COX5B: variants seen among roughly 807,000 people sequenced by gnomAD.
The protein encoded by COX5B is cytochrome c oxidase subunit 5B.
In COX5B, 8 loss-of-function variants were observed where a neutral mutation model predicts 16.2. The observed-to-expected ratio is 0.49, with a 90% CI of 0.29 to 0.89. COX5B has a LOEUF of 0.89. Among genes scored for constraint, COX5B ranks in the 40% least tolerant of loss-of-function variants. The pLI is 0.08. For missense variants in COX5B, 161 were observed against 168.7 expected, an observed-to-expected ratio of 0.95 and a Z score of 0.25; for synonymous variants, 65 against 67.6, an observed-to-expected ratio of 0.96 and a Z score of 0.19.
In COX5B at chr2:97,646,079, C is replaced by T. The variant is rs774612216; in HGVS notation, c.-8C>T. 1.4e-5 allele frequency: 21 copies of T among 1,551,568 alleles called. No homozygotes were observed. The highest frequency in any genetic ancestry group is 5.9e-5 in the Admixed American group (3 of 51,232). ...TTCCCGGAAGTTTTGCTGCTAGTCG[C>T]GGACGCAATGGCTTCAAGGTTACTT... On this transcript the variant is annotated 5_prime_UTR_variant, in exon 1 of 4. Transcript: ENST00000258424.
chr2:97,647,940 T>A (rs1674686254), intron 3 of COX5B, 56 bp from the exon 4 acceptor site: 1 of 1,472,306 alleles, frequency 6.8e-7, no homozygotes, highest in Admixed American at 1.8e-5. Context: ...GAAATTCATG[T>A]TGAAAGTCTC....
chr2:97,647,407 C>T lies in COX5B; in HGVS notation c.241C>T (p.Pro81Ser). Residue 81 changes from proline to serine, a missense_variant, in exon 3 of 4, where the codon CCC (proline) becomes TCC (serine). Coordinates refer to ENST00000258424, the MANE Select transcript of COX5B (RefSeq NM_001862.3). Reference sequence around the variant, plus strand: ...CACCAGGGAAGACCCTAATTTAGTCCCCTCCATCTCCAACAAGAGAATAGT... The same window carrying T: ...CACCAGGGAAGACCCTAATTTAGTCTCCTCCATCTCCAACAAGAGAATAGT... ...SGTREDPNLV[P>S]SISNKRIVGC... is the part of the protein sequence containing the mutation. The T allele has an allele frequency of 1.2e-6, 2 of 1,614,074 alleles. No homozygotes were observed. Among genetic ancestry groups the T allele is most frequent in the South Asian group, 1.1e-5 (1 of 91,076 alleles).
At position 97,647,451 on chromosome 2, in the gene COX5B, C is replaced by CCGAA. The variant is rs1211456725; in HGVS notation, c.277+9_277+10insGAAC. The stretch of plus-strand genomic sequence containing the variant: ...GAATAGTAGGCTGCATCTGTAAGTA[C>CCGAA]CTCACCTCTATTTTTTATCCACTTG... On this transcript the variant is annotated intron_variant, in intron 3 of 3. Coordinates refer to ENST00000258424, the MANE Select transcript of COX5B (RefSeq NM_001862.3). 1 of 1,601,504 alleles carries CCGAA rather than the reference C, an allele frequency of 6.2e-7. No individual in the cohort carries two copies. Among genetic ancestry groups the CCGAA allele is most frequent in the Middle Eastern group, 1.7e-4 (1 of 6,030 alleles).
chr2:97,648,042 C>A lies in COX5B; in HGVS notation c.324C>A (p.Gly108=). The change falls in exon 4 of 4, where the codon GGC becomes GGA. Residue 108 remains glycine, a synonymous_variant. Coordinates refer to ENST00000258424, the MANE Select transcript of COX5B (RefSeq NM_001862.3). ...TCGTCTGGTTTTGGCTGCACAAAGG[C>A]GAGGCCCAGCGATGCCCCCGCTGTG... ...TSVVWFWLHK[G]EAQRCPRCGA... is the part of the protein sequence containing the mutation. The A allele has an allele frequency of 6.2e-7, 1 of 1,613,614 alleles. No homozygotes were observed. Among genetic ancestry groups the A allele is most frequent in the Non-Finnish European group, 8.5e-7 (1 of 1,179,820 alleles).
chr2:97,646,959 A>G lies in COX5B; in HGVS notation c.104-108A>G, dbSNP rs139240376. ...GCCTTTAGGAGCTTGTGAGCCCGCTAAAACTTATACAGAAGTTTCGGGGCA... is the reference window on the plus strand; with the variant it reads ...GCCTTTAGGAGCTTGTGAGCCCGCTGAAACTTATACAGAAGTTTCGGGGCA... On this transcript the variant is annotated intron_variant, in intron 1 of 3. Coordinates refer to ENST00000258424, the MANE Select transcript of COX5B (RefSeq NM_001862.3). The G allele has an allele frequency of 4.5e-3, 5,153 of 1,146,338 alleles. 40 individuals carry two copies. Among genetic ancestry groups the G allele is most frequent in the Middle Eastern group, 0.023 (104 of 4,608 alleles). 71.0% of individuals were successfully genotyped at this position (1,146,338 alleles called of 1,614,324 possible). A position where few individuals can be genotyped will look rare whatever the true frequency, so the allele number is the denominator to read the frequency against.
chr2:97,646,128 G>T lies in COX5B; in HGVS notation c.42G>T (p.Ala14=). Residue 14 remains alanine (A), a synonymous_variant, in exon 1 of 4, where the codon GCG becomes GCT. Coordinates refer to ENST00000258424, the MANE Select transcript of COX5B (RefSeq NM_001862.3). ...RLLRGAGTLA[A]QALRARGPSG... ...TTCGCGGAGCTGGAACGCTGGCCGC[G>T]CAGGCCCTGAGGGCTCGCGGCCCCA... 1.3e-6 allele frequency: 2 copies of T among 1,557,848 alleles called. No individual in the cohort carries two copies. The highest frequency in any genetic ancestry group is 2.4e-5 in the South Asian group (2 of 84,522).
In COX5B at chr2:97,647,218, G is replaced by T; in HGVS notation, c.177+78G>T. On this transcript the variant is annotated intron_variant, in intron 2 of 3. Coordinates refer to ENST00000258424, the MANE Select transcript of COX5B (RefSeq NM_001862.3). ...GTTCATAGTGGTCTCCTCTCTGGGAGTATTTGATACAGGAAACTTGGCTTG... is the reference window on the plus strand; with the variant it reads ...GTTCATAGTGGTCTCCTCTCTGGGATTATTTGATACAGGAAACTTGGCTTG... 4 of 1,547,394 alleles carry T rather than the reference G, an allele frequency of 2.6e-6. 1 individual carries two copies. The highest frequency in any genetic ancestry group is 3.6e-6 in the Non-Finnish European group (4 of 1,120,256).
At chr2:97,646,855 G>GAA in intron 1 of COX5B, 1 of 441,388 alleles carries the variant, frequency 2.3e-6, no homozygotes, top group Non-Finnish European at 4.1e-6. Context: ...TCTCAAAAAA[G>GAA]AAAAAAAAAG....
intron 1 of COX5B, 149 bp from the exon 2 acceptor site, chr2:97,646,918 A>G (rs1674667728): frequency 1.5e-6 from 1 of 679,742 alleles, no homozygotes; most frequent in African/African-American, 1.8e-5. Context: ...TTCTTAGGGG[A>G]CCATGGATAT....
At chr2:97,646,883 G>A in intron 1 of COX5B, 184 bp from the exon 2 acceptor site, 2 of 549,614 alleles carry the variant, frequency 3.6e-6, no homozygotes, top group Non-Finnish European at 3.2e-6. Flanking sequence ...GAGTGCTGCC[G>A]CTTGTGTGGA....
At chr2:97,647,250 C>G in intron 2 of COX5B, 94 bp from the exon 3 acceptor site, 1 of 1,511,732 alleles carries the variant, frequency 6.6e-7, no homozygotes, top group East Asian at 2.3e-5. Context: ...CTTGTAGGAA[C>G]AGTCCCCTGA....
Position 97,648,369 on chromosome 2 carries a change from G to A in COX5B, c.*261G>A. ...CGACAACCCGTAATGCAATGAATGG[G>A]ACCACCTGGTATGAGAGAAAGGGGC... On this transcript the variant is annotated 3_prime_UTR_variant, in exon 4 of 4. Coordinates refer to ENST00000258424, the MANE Select transcript of COX5B (RefSeq NM_001862.3). The A allele has an allele frequency of 5.3e-6, 2 of 376,530 alleles. No homozygotes were observed. Among genetic ancestry groups the A allele is most frequent in the Non-Finnish European group, 4.7e-6 (1 of 213,402 alleles). 23.3% of individuals were successfully genotyped at this position (376,530 alleles called of 1,614,324 possible).
Position 97,648,168 on chromosome 2 carries a change from GC to G in COX5B, c.*62del. ...AGTTTCTTCTTTCCAGTAAAGACTA[GC>G]CATTGCATTGGCTCCTTCTCCCATA... On this transcript the variant is annotated 3_prime_UTR_variant, in exon 4 of 4. Transcript: ENST00000258424. 7.2e-7 allele frequency: 1 copy of G among 1,381,356 alleles called. No homozygotes were observed. The highest frequency in any genetic ancestry group is 9.8e-7 in the Non-Finnish European group (1 of 1,016,326). 85.6% of individuals were successfully genotyped at this position (1,381,356 alleles called of 1,614,324 possible).
rs768577872 is a variant in COX5B at position 97,646,072 on chromosome 2, C to A, written c.-15C>A. 6.5e-7 allele frequency: 1 copy of A among 1,548,286 alleles called. No individual in the cohort carries two copies. The highest frequency in any genetic ancestry group is 8.7e-7 in the Non-Finnish European group (1 of 1,143,668). On this transcript the variant is annotated 5_prime_UTR_variant, in exon 1 of 4. Coordinates refer to ENST00000258424, the MANE Select transcript of COX5B (RefSeq NM_001862.3). ...CAGCTTGTTCCCGGAAGTTTTGCTG[C>A]TAGTCGCGGACGCAATGGCTTCAAG... is the stretch of plus-strand genomic sequence containing the variant.
rs758356267 is a variant in COX5B at position 97,648,144 on chromosome 2, G to A, written c.*36G>A. 1.3e-6 allele frequency: 2 copies of A among 1,533,654 alleles called. No homozygotes were observed. The highest frequency in any genetic ancestry group is 1.8e-6 in the Non-Finnish European group (2 of 1,135,636). On this transcript the variant is annotated 3_prime_UTR_variant, in exon 4 of 4. Coordinates refer to ENST00000258424, the MANE Select transcript of COX5B (RefSeq NM_001862.3). ...TAAATTACTCAAAATGTGCTGTAAAGTTTCTTCTTTCCAGTAAAGACTAGC... is the reference window on the plus strand; with the variant it reads ...TAAATTACTCAAAATGTGCTGTAAAATTTCTTCTTTCCAGTAAAGACTAGC...
rs768577872 is a variant in COX5B, at chr2:97,646,072, C to G, written c.-15C>G. On this transcript the variant is annotated 5_prime_UTR_variant, in exon 1 of 4. Transcript: ENST00000258424. The stretch of plus-strand genomic sequence containing the variant: ...CAGCTTGTTCCCGGAAGTTTTGCTG[C>G]TAGTCGCGGACGCAATGGCTTCAAG... 6.5e-7 allele frequency: 1 copy of G among 1,548,290 alleles called. No homozygotes were observed. Among genetic ancestry groups the G allele is most frequent in the South Asian group, 1.2e-5 (1 of 84,004 alleles).
rs935512338 is a variant in COX5B at position 97,647,239 on chromosome 2, G to A, written c.177+99G>A. On this transcript the variant is annotated intron_variant, in intron 2 of 3. Transcript: ENST00000258424. ...GGGAGTATTTGATACAGGAAACTTG[G>A]CTTGTAGGAACAGTCCCCTGAGCTT... 4.6e-6 allele frequency: 7 copies of A among 1,524,914 alleles called. No homozygotes were observed. The African/African-American group carries it at 6.8e-5, about 15-fold the overall frequency. 94.5% of individuals were successfully genotyped at this position (1,524,914 alleles called of 1,614,324 possible).
rs753165601 is a variant in COX5B at position 97,647,386 on chromosome 2, A to T, written c.220A>T (p.Arg74Trp). The T allele has an allele frequency of 6.2e-7, 1 of 1,614,188 alleles. No individual in the cohort carries two copies. The highest frequency in any genetic ancestry group is 8.5e-7 in the Non-Finnish European group (1 of 1,180,026). ...VLAPKGASGT[R>W]EDPNLVPSIS... ...GGCCCCAAAGGGAGCTTCAGGCACC[A>T]GGGAAGACCCTAATTTAGTCCCCTC... Residue 74 changes from arginine to tryptophan, a missense_variant, in exon 3 of 4, where the codon AGG becomes TGG. Coordinates refer to ENST00000258424, the MANE Select transcript of COX5B (RefSeq NM_001862.3).
At chr2:97,646,967 T>C (rs1020717404) in intron 1 of COX5B, 100 bp from the exon 2 acceptor site, 33 of 1,234,358 alleles carry the variant, frequency 2.7e-5, no homozygotes, top group African/African-American at 4.5e-5. Flanking sequence ...CTAAAACTTA[T>C]ACAGAAGTTT....
Sources: allele counts gnomAD v4.1 joint callset, GRCh38; gene constraint gnomAD v4.1.1; transcripts MANE v1.5; gene names NCBI Gene and HGNC (gene_info 2026-07-23, HGNC 2026-07-21).